The following RGS22 variants were observed in gnomAD, a reference collection of about 807,000 sequenced individuals.
RGS22 encodes the protein regulator of G-protein signaling 22.
Under a neutral mutation model 172.9 loss-of-function variants are expected in RGS22, and 148 were observed. That is an observed-to-expected ratio of 0.86 (90% CI 0.75 to 0.98). The LOEUF (loss-of-function observed/expected upper bound fraction) is 0.98. Among genes scored for constraint, RGS22 ranks in the 50% least tolerant of loss-of-function variants. The pLI is 0.00. For missense variants in RGS22, 1,347 were observed against 1,440.8 expected (o/e 0.93, Z 1.05); for synonymous variants, 458 against 480.2 (o/e 0.95, Z 0.60).
chr8:99,992,079 C>A (rs1813794193), intron 20 of RGS22, among the ~76,000 whole-genome samples: 1 of 152,158 alleles, frequency 6.6e-6, no homozygotes, highest in Non-Finnish European at 1.5e-5. Flanking sequence ...GAGATTTTGT[C>A]ACCACCAAGC....
chr8:100,018,563 G>T (rs1025495875), intron 14 of RGS22, among the ~76,000 whole-genome samples: 4 of 152,188 alleles, frequency 2.6e-5, no homozygotes, highest in African/African-American at 4.8e-5. Context: ...TGCTGACATT[G>T]TTGGGGGAAA....
intron 6 of RGS22, among the ~76,000 whole-genome samples, chr8:100,067,327 T>C (rs1810602883): frequency 6.6e-6 from 1 of 152,190 alleles, no homozygotes; most frequent in Non-Finnish European, 1.5e-5. Context: ...CCTGGGTGCA[T>C]AAAAGCTTTC....
rs1341989228 is a variant in RGS22, at chr8:100,052,574, A to ACC, written c.1689+227_1689+228insGG. ...CCTCGGCCTCCCAAATGCTGGGATTACAGGCATGAGCCACCGCGCCCGGCC... is the reference window on the plus strand; with the variant it reads ...CCTCGGCCTCCCAAATGCTGGGATTACCCAGGCATGAGCCACCGCGCCCGGCC... On this transcript the variant is annotated intron_variant, in intron 10 of 27. Coordinates refer to ENST00000360863, the MANE Select transcript of RGS22 (RefSeq NM_015668.5). 2.6e-5 allele frequency among the ~76,000 whole-genome samples: 4 copies of ACC among 152,206 alleles called. No individual in the cohort carries two copies. In the East Asian group the frequency reaches 7.7e-4, roughly 29 times the overall value.
At position 99,969,927 on chromosome 8, in the gene RGS22, A is replaced by C. The variant is rs559545183; in HGVS notation, c.3520-4497T>G. Among the ~76,000 whole-genome samples the C allele has an allele frequency of 2.0e-5, 3 of 152,362 alleles. No homozygotes were observed. In the East Asian group the frequency reaches 5.8e-4, roughly 29 times the overall value. The stretch of plus-strand genomic sequence containing the variant: ...TCTCCACCCCAAATCAACAGAATAT[A>C]CATTCTTCTCAGCATCGGGTAGCAC... On this transcript the variant is annotated intron_variant, in intron 23 of 27. Transcript: ENST00000360863.
intron 14 of RGS22, among the ~76,000 whole-genome samples, chr8:100,030,468 T>A (rs1476304632): frequency 6.6e-6 from 1 of 152,196 alleles, no homozygotes; most frequent in Non-Finnish European, 1.5e-5. Context: ...TCACAGGAGA[T>A]GACAGCTCCA....
At chr8:100,031,915 C>G (rs1484378791) in intron 14 of RGS22, among the ~76,000 whole-genome samples, 1 of 152,100 alleles carries the variant, frequency 6.6e-6, no homozygotes, top group Non-Finnish European at 1.5e-5. Context: ...TCCAGCCAAA[C>G]TAAGCTTCAT....
chr8:99,976,010 T>C (rs1811888813), intron 23 of RGS22, among the ~76,000 whole-genome samples: 1 of 152,052 alleles, frequency 6.6e-6, no homozygotes, highest in South Asian at 2.1e-4. Flanking sequence ...GCCAACATGG[T>C]GAAACCCTGT....
Position 99,962,404 on chromosome 8 carries a change from T to A in RGS22, c.*35A>T. 1.2e-6 allele frequency: 2 copies of A among 1,611,904 alleles called. No homozygotes were observed. The highest frequency in any genetic ancestry group is 1.7e-6 in the Non-Finnish European group (2 of 1,178,054). On this transcript the variant is annotated 3_prime_UTR_variant, in exon 27 of 28. Transcript: ENST00000360863. ...CAGACTATGACGTACCTTGAACCTA[T>A]CAGCAGCAGGATGTAAACATTCACA...
At chr8:100,065,478 C>T (rs2131808675) in intron 7 of RGS22, among the ~76,000 whole-genome samples, 1 of 152,212 alleles carries the variant, frequency 6.6e-6, no homozygotes, top group Non-Finnish European at 1.5e-5. Flanking sequence ...TTTAACTTCC[C>T]CAGAGGTTGC....
At chr8:100,043,094 T>C (rs1298425485) in intron 11 of RGS22, among the ~76,000 whole-genome samples, 4 of 152,208 alleles carry the variant, frequency 2.6e-5, no homozygotes, top group Non-Finnish European at 5.9e-5. Context: ...GTACCAACAC[T>C]GGCAGTTGCC....
Position 99,993,687 on chromosome 8 carries a change from C to T in RGS22, c.3018+2775G>A, listed in dbSNP as rs143528822. The stretch of plus-strand genomic sequence containing the variant: ...TCACAGCCGAATTCTACCAGAGGTA[C>T]AAAGAGGAGTTGGTACCATTCCTTC... On this transcript the variant is annotated intron_variant, in intron 20 of 27. Transcript: ENST00000360863. Among the ~76,000 whole-genome samples the T allele has an allele frequency of 0.01, 1,588 of 152,256 alleles. 55 individuals carry two copies. The East Asian group carries it at 0.1, about 10-fold the overall frequency.
At chr8:99,988,320 G>T (rs1367406952) in intron 20 of RGS22, among the ~76,000 whole-genome samples, 1 of 151,728 alleles carries the variant, frequency 6.6e-6, no homozygotes, top group Non-Finnish European at 1.5e-5. Flanking sequence ...ACACCTAAAG[G>T]TATTTTTATC....
At chr8:100,003,853 TATA>T in intron 17 of RGS22, 70 bp downstream of exon 17, 1 of 1,292,750 alleles carries the variant, frequency 7.7e-7, no homozygotes. Context: ...AAATCACTTT[TATA>T]ATATGTTGAA....
At chr8:100,022,655 T>C (rs1817725380) in intron 14 of RGS22, among the ~76,000 whole-genome samples, 2 of 152,102 alleles carry the variant, frequency 1.3e-5, no homozygotes, top group African/African-American at 2.4e-5. Flanking sequence ...AAGCAAGATA[T>C]ACATTTAAAC....
intron 7 of RGS22, among the ~76,000 whole-genome samples, 200 bp from the exon 8 acceptor site, chr8:100,064,243 G>A (rs974705382): frequency 6.6e-6 from 1 of 152,204 alleles, no homozygotes; most frequent in Admixed American, 6.5e-5. Flanking sequence ...CATGGTGGGT[G>A]GATCACTTGA....
chr8:99,990,162 TTCAG>T (rs1813559146), intron 20 of RGS22, among the ~76,000 whole-genome samples: 1 of 152,146 alleles, frequency 6.6e-6, no homozygotes, highest in Admixed American at 6.5e-5. Flanking sequence ...GAGCTCCTTA[TTCAG>T]GAGGCGAAGG....
intron 20 of RGS22, among the ~76,000 whole-genome samples, chr8:99,994,765 C>T (rs965051059): frequency 6.6e-6 from 1 of 152,162 alleles, no homozygotes; most frequent in African/African-American, 2.4e-5. Context: ...AAAAAAACTA[C>T]TTTAAAGTGC....
intron 14 of RGS22, among the ~76,000 whole-genome samples, chr8:100,016,371 CT>C (rs11448241): frequency 1.4e-4 from 22 of 151,770 alleles, no homozygotes; most frequent in African/African-American, 3.6e-4. Context: ...TGCCCTTCCA[CT>C]TTTTTTTCTT....
chr8:100,052,167 A>G (rs1455407498), intron 10 of RGS22, among the ~76,000 whole-genome samples: 2 of 33,764 alleles, frequency 5.9e-5, no homozygotes, highest in East Asian at 1.9e-3. Flanking sequence ...ATAAATATAT[A>G]AACATATATA....
Sources: allele counts gnomAD v4.1 joint callset (sites outside exome capture counted in the v4.1 genomes callset), GRCh38; gene constraint gnomAD v4.1.1; transcripts MANE v1.5; gene names NCBI Gene and HGNC (gene_info 2026-07-23, HGNC 2026-07-21).